NF1: variants seen among roughly 807,000 people sequenced by gnomAD.
NF1 encodes neurofibromin.
Under a neutral mutation model 325.7 loss-of-function variants are expected in NF1, and 122 were observed. The observed-to-expected ratio is 0.37, with a 90% CI of 0.32 to 0.44. The LOEUF is 0.44. NF1 is among the 20% of genes least tolerant of loss of function. The pLI is 1.00. For missense variants in NF1, 2,140 were observed against 3,415.4 expected, an observed-to-expected ratio of 0.63 and a Z score of 9.31; for synonymous variants, 1,091 against 1,186.0, an observed-to-expected ratio of 0.92 and a Z score of 1.65.
intron 1 of NF1, among the ~76,000 whole-genome samples, chr17:31,154,775 C>T (rs1050154785): frequency 2.9e-5 from 4 of 139,986 alleles, no homozygotes; most frequent in South Asian, 2.3e-4. Context: ...GAGTCTCGCC[C>T]GATCGCCAGG....
chr17:31,331,763 C>T (rs2069494561), intron 39 of NF1: 1 of 151,800 alleles, frequency 6.6e-6, no homozygotes, highest in South Asian at 2.1e-4. Flanking sequence ...TGGCTCTCGC[C>T]TGTAATCCCA....
At chr17:31,181,651 C>A in intron 6 of NF1, 59 bp from the exon 7 acceptor site, 1 of 1,368,500 alleles carries the variant, frequency 7.3e-7, no homozygotes, top group Non-Finnish European at 1.0e-6. Flanking sequence ...AAGTTTGTGA[C>A]ATTTTATTTA....
chr17:31,321,362 A>T (rs2069186356), intron 36 of NF1: 1 of 152,206 alleles, frequency 6.6e-6, no homozygotes, highest in East Asian at 1.9e-4. Flanking sequence ...AGAAAAAAAA[A>T]GTATACATTT....
rs754213101 is a variant in NF1 at position 31,235,696 on chromosome 17, T to A, written c.3794T>A (p.Val1265Glu). 6.2e-7 allele frequency: 1 copy of A among 1,614,124 alleles called. No homozygotes were observed. The highest frequency in any genetic ancestry group is 8.5e-7 in the Non-Finnish European group (1 of 1,180,006). Reference protein sequence around the residue: ...QLLWNMFSKEVELADSMQTLF... With the variant: ...QLLWNMFSKEEELADSMQTLF... ...CTCTGGAACATGTTTTCTAAAGAAG[T>A]AGAATTGGCAGACTCCATGCAGACT... The change falls in exon 28 of 58, where the codon GTA becomes GAA. Residue 1265 changes from valine to glutamate, a missense_variant. This residue lies in a region of NF1 where 336 missense variants were observed against 399.0 expected (regional missense o/e 0.84). Transcript: ENST00000358273.
chr17:31,187,883 C>T (rs1442692424), intron 8 of NF1, among the ~76,000 whole-genome samples: 1 of 152,146 alleles, frequency 6.6e-6, no homozygotes, highest in African/African-American at 2.4e-5. Flanking sequence ...CTTTGGGCTC[C>T]TCCTACCTTT....
chr17:31,265,966 T>G (rs1481789411), intron 36 of NF1, among the ~76,000 whole-genome samples: 1 of 152,196 alleles, frequency 6.6e-6, no homozygotes, highest in Non-Finnish European at 1.5e-5. Context: ...TCTTTTTTGC[T>G]TCATTTTACC....
At chr17:31,355,393 G>A (rs374057468) in intron 51 of NF1, among the ~76,000 whole-genome samples, 173 of 152,088 alleles carry the variant, frequency 1.1e-3, no homozygotes, top group African/African-American at 3.9e-3. Flanking sequence ...TGCATGAAAC[G>A]AAGAAGCCGG....
chr17:31,152,735 C>T (rs1917036669), intron 1 of NF1, among the ~76,000 whole-genome samples: 1 of 151,308 alleles, frequency 6.6e-6, no homozygotes, highest in South Asian at 2.1e-4. Flanking sequence ...CTTAATTTCT[C>T]TTGGCTCACT....
intron 36 of NF1, among the ~76,000 whole-genome samples, chr17:31,316,820 A>C (rs1244423352): frequency 1.3e-5 from 2 of 152,178 alleles, no homozygotes; most frequent in Non-Finnish European, 2.9e-5. Context: ...TTTGTTTTTT[A>C]CAAATTGCTA....
intron 1 of NF1, among the ~76,000 whole-genome samples, chr17:31,109,444 C>T (rs193129350): frequency 1.3e-3 from 199 of 151,478 alleles, no homozygotes; most frequent in African/African-American, 4.5e-3. Flanking sequence ...AGTGCAATGG[C>T]GCGATCTCGG....
intron 36 of NF1, among the ~76,000 whole-genome samples, chr17:31,317,373 A>G (rs1169004973): frequency 2.1e-5 from 3 of 145,294 alleles, no homozygotes; most frequent in Non-Finnish European, 4.5e-5. Context: ...ATTTGAACAC[A>G]CACACACACA....
At chr17:31,284,206 A>G (rs1330251594) in intron 36 of NF1, among the ~76,000 whole-genome samples, 6 of 152,130 alleles carry the variant, frequency 3.9e-5, no homozygotes, top group African/African-American at 7.2e-5. Flanking sequence ...GATTCAAGCA[A>G]TTCTCCTGCC....
intron 8 of NF1, among the ~76,000 whole-genome samples, chr17:31,188,526 G>A (rs570858373): frequency 6.6e-6 from 1 of 152,158 alleles, no homozygotes; most frequent in African/African-American, 2.4e-5. Flanking sequence ...TAAAGATTAT[G>A]TATGATCTCA....
Position 31,374,191 on chromosome 17 carries a change from A to G in NF1, c.*36A>G, listed in dbSNP as rs1230785795. 1.2e-6 allele frequency: 2 copies of G among 1,613,256 alleles called. No homozygotes were observed. The highest frequency in any genetic ancestry group is 1.7e-6 in the Non-Finnish European group (2 of 1,179,406). ...CTTTCTTTTTTAAAATCAACTTAAC[A>G]TGGGCTCTTCACTAGTGACCCCTTC... On this transcript the variant is annotated 3_prime_UTR_variant, in exon 58 of 58. Transcript: ENST00000358273.
intron 8 of NF1, among the ~76,000 whole-genome samples, chr17:31,197,495 A>G (rs1474080146): frequency 4.0e-5 from 6 of 151,836 alleles, no homozygotes; most frequent in Admixed American, 6.6e-5. Flanking sequence ...TCTTTCAGCA[A>G]TGTTTTGTAG....
rs769719064 is a variant in NF1 at position 31,181,750 on chromosome 17, C to T, written c.695C>T (p.Thr232Ile). The T allele has an allele frequency of 1.3e-6, 2 of 1,598,830 alleles. No homozygotes were observed. Among genetic ancestry groups the T allele is most frequent in the South Asian group, 1.1e-5 (1 of 90,734 alleles). ...NWVENYPDEFTKLYQIPQTDM... is the reference protein window; with the variant it reads ...NWVENYPDEFIKLYQIPQTDM... ...GTAGAAAATTATCCAGATGAATTTA[C>T]AAAACTGTACCAGATCCCACAGACT... The change falls in exon 7 of 58, where the codon ACA becomes ATA. Residue 232 changes from threonine (T) to isoleucine (I), a missense_variant. Thr to Ile is a moderately conservative substitution (Grantham distance 89). Around this residue, in one of 10 missense-constraint regions of NF1, gnomAD observed 246 missense variants for 347.8 expected, o/e 0.71. Transcript: ENST00000358273.
At chr17:31,345,175 A>G (rs904774589) in intron 48 of NF1, among the ~76,000 whole-genome samples, 2 of 152,272 alleles carry the variant, frequency 1.3e-5, no homozygotes, top group Non-Finnish European at 1.5e-5. Context: ...CAAATCACCT[A>G]TTTTTAAATG....
In NF1 at chr17:31,226,675, A is replaced by G. The variant is rs1327483403; in HGVS notation, c.2242A>G (p.Met748Val). 6.2e-7 allele frequency: 1 copy of G among 1,613,810 alleles called. No homozygotes were observed. Among genetic ancestry groups the G allele is most frequent in the Non-Finnish European group, 8.5e-7 (1 of 1,179,760 alleles). Reference sequence around the variant, plus strand: ...GGAGTTTGCCTCTGTCAGCAATATGATGTCAACAGGTAAATGTGAATAGTG... The same window carrying G: ...GGAGTTTGCCTCTGTCAGCAATATGGTGTCAACAGGTAAATGTGAATAGTG... ...FMEFASVSNM[M>V]STGRAALQKR... The change falls in exon 18 of 58, where the codon ATG becomes GTG. Residue 748 changes from methionine to valine, a missense_variant. Coordinates refer to ENST00000358273, the MANE Select transcript of NF1 (RefSeq NM_001042492.3).
chr17:31,184,667 A>T (rs982609239), intron 8 of NF1, among the ~76,000 whole-genome samples: 45 of 137,080 alleles, frequency 3.3e-4, no homozygotes, highest in East Asian at 2.5e-3. Context: ...AAATAAAAAA[A>T]AAAAATAAAA....
Sources: allele counts gnomAD v4.1 joint callset (sites outside exome capture counted in the v4.1 genomes callset), GRCh38; gene constraint gnomAD v4.1.1; regional missense constraint gnomAD v4.1.1; transcripts MANE v1.5; gene names NCBI Gene and HGNC (gene_info 2026-07-23, HGNC 2026-07-21).